The following PLEC variants were observed in gnomAD, a reference collection of about 807,000 sequenced individuals.
PLEC encodes the protein hemidesmosomal protein 1.
In PLEC, 216 loss-of-function variants were observed where a neutral mutation model predicts 392.8. The ratio of observed to expected loss-of-function variants is 0.55; its 90% CI spans 0.49 to 0.62. The LOEUF is 0.62. Ranked by LOEUF, PLEC falls within the 20% of genes least tolerant of loss-of-function variation. PLEC has a pLI of 0.00. For missense variants in PLEC, 6,863 were observed against 6,563.4 expected (o/e 1.05, Z -1.58); for synonymous variants, 3,621 against 2,980.6 (o/e 1.21, Z -7.00).
chr8:143,946,004 A>C (rs1387791490), intron 1 of PLEC, among the ~76,000 whole-genome samples: 2 of 152,248 alleles, frequency 1.3e-5, no homozygotes, highest in Admixed American at 1.3e-4. Flanking sequence ...AGCAGTGGGC[A>C]GGGGCCGACA....
chr8:143,942,603 G>A (rs1830708073), upstream of PLEC: 2 of 1,424,448 alleles, frequency 1.4e-6, no homozygotes, highest in South Asian at 1.4e-5. Context: ...CCCACGCTGC[G>A]AGGCTGCCGG....
At position 143,937,160 on chromosome 8, in the gene PLEC, C is replaced by T. The variant is rs782706346; in HGVS notation, c.342+5G>A. The T allele has an allele frequency of 5.0e-6, 8 of 1,612,144 alleles. No homozygotes were observed. In the Admixed American group the frequency reaches 1.3e-4, roughly 27 times the overall value. On this transcript the variant is annotated splice_donor_5th_base_variant and intron_variant, in intron 4 of 31. Coordinates refer to ENST00000345136, the MANE Select transcript of PLEC (RefSeq NM_201384.3). ...TGGGGCCCAGGGCCTGCCGGGCAGC[C>T]TTACCTGGCGGTGCCGGAGGTAGTC...
At position 143,920,163 on chromosome 8, in the gene PLEC, G is replaced by A. The variant is rs200643300; in HGVS notation, c.9658C>T (p.Arg3220Trp). 306 of 1,612,380 alleles carry A rather than the reference G, an allele frequency of 1.9e-4. No individual in the cohort carries two copies. Among genetic ancestry groups the A allele is most frequent in the African/African-American group, 4.4e-4 (33 of 75,014 alleles). ...AGCTCTGAGTAGAGCTCCTCCTGCC[G>A]GGCCCGAGCAGCCTTTTCTGAGAGC... The part of the protein sequence containing the change: ...LPLSEKAARA[R>W]QEELYSELQA... Residue 3220 changes from arginine to tryptophan, a missense_variant, in exon 32 of 32, where the codon CGG becomes TGG. Arg to Trp is a moderately radical substitution (Grantham distance 101). Transcript: ENST00000345136.
chr8:143,925,580 A>G lies in PLEC; in HGVS notation c.4349T>C (p.Ile1450Thr), dbSNP rs1350308700. The change falls in exon 31 of 32, where the codon ATC becomes ACC. Residue 1450 changes from isoleucine (I) to threonine (T), a missense_variant. Transcript: ENST00000345136. ...AEAAERSRLR[I>T]EEEIRVVRLQ... is the part of the protein sequence containing the mutation. ...GCGCACCACGCGGATCTCCTCCTCG[A>G]TGCGCAGCCGGCTGCGCTCAGCCGC... is the stretch of plus-strand genomic sequence containing the variant. The G allele has an allele frequency of 6.3e-7, 1 of 1,578,926 alleles. No homozygotes were observed. The highest frequency in any genetic ancestry group is 1.3e-5 in the African/African-American group (1 of 74,422).
At position 143,916,684 on chromosome 8, in the gene PLEC, G is replaced by C. The variant is rs1312594865; in HGVS notation, c.13137C>G (p.Leu4379=). Residue 4379 remains leucine (L), a synonymous_variant, in exon 32 of 32, where the codon CTC becomes CTG. Coordinates refer to ENST00000345136, the MANE Select transcript of PLEC (RefSeq NM_201384.3). ...SAAQALKKGW[L]YYEAGQRFLE... is the part of the protein sequence containing the mutation. The stretch of plus-strand genomic sequence containing the variant: ...GGAAGCGCTGGCCGGCCTCGTAGTA[G>C]AGCCAGCCCTTCTTCAGGGCCTGGG... The C allele has an allele frequency of 3.1e-6, 5 of 1,612,156 alleles. No individual in the cohort carries two copies. Among genetic ancestry groups the C allele is most frequent in the Non-Finnish European group, 4.2e-6 (5 of 1,179,556 alleles).
At chr8:143,928,750 C>A (rs1340366197) in intron 25 of PLEC, among the ~76,000 whole-genome samples, 1 of 152,182 alleles carries the variant, frequency 6.6e-6, no homozygotes, top group Admixed American at 6.5e-5. Context: ...TAAGTCCAGG[C>A]CAGGAACAGG....
At position 143,922,996 on chromosome 8, in the gene PLEC, C is replaced by T. The variant is rs1554691111; in HGVS notation, c.6933G>A (p.Met2311Ile). The change falls in exon 31 of 32, where the codon ATG (methionine) becomes ATA (isoleucine). Residue 2311 changes from methionine (M) to isoleucine (I), a missense_variant. Met to Ile is a conservative substitution (Grantham distance 10). Coordinates refer to ENST00000345136, the MANE Select transcript of PLEC (RefSeq NM_201384.3). ...LAQQRALAEK[M>I]LKEKMQAVQE... ...GCACCGCCTGCATCTTCTCCTTGAG[C>T]ATCTTCTCTGCCAAGGCCCGCTGCT... The T allele has an allele frequency of 6.2e-7, 1 of 1,612,060 alleles. No individual in the cohort carries two copies. Among genetic ancestry groups the T allele is most frequent in the Non-Finnish European group, 8.5e-7 (1 of 1,179,614 alleles).
chr8:143,938,338 G>C, intron 2 of PLEC, 98 bp from the exon 3 acceptor site: 1 of 1,536,940 alleles, frequency 6.5e-7, no homozygotes, highest in East Asian at 2.4e-5. Context: ...CCAGAGGGAA[G>C]GAGGCGGGGG....
rs781912612 is a variant in PLEC, at chr8:143,932,009, C to A, written c.2106G>T (p.Thr702=). Residue 702 remains threonine, a synonymous_variant, in exon 18 of 32, where the codon ACG becomes ACT. Coordinates refer to ENST00000345136, the MANE Select transcript of PLEC (RefSeq NM_201384.3). ...ACAGCTGTAGCATCCAGCTCCACTG[C>A]GTCTGCAGGGCCGCCTGGAAGGACT... The part of the protein sequence containing the change: ...TVESFQAALQ[T]QWSWMLQLCC... 10 of 1,604,852 alleles carry A rather than the reference C, an allele frequency of 6.2e-6. No homozygotes were observed. Among genetic ancestry groups the A allele is most frequent in the Middle Eastern group, 2.1e-4 (1 of 4,836 alleles).
rs529822074 is a variant in PLEC at position 143,937,721 on chromosome 8, G to C, written c.264+430C>G. On this transcript the variant is annotated intron_variant, in intron 3 of 31. Coordinates refer to ENST00000345136, the MANE Select transcript of PLEC (RefSeq NM_201384.3). Reference sequence around the variant, plus strand: ...CACGGTCTTGGGGAGCTCCCGTGCCGCTGCAGCCGGCAGGCACAGCCACTC... The same window carrying C: ...CACGGTCTTGGGGAGCTCCCGTGCCCCTGCAGCCGGCAGGCACAGCCACTC... 931 of 490,002 alleles carry C rather than the reference G, an allele frequency of 1.9e-3. 2 individuals are homozygous for C. The highest frequency in any genetic ancestry group is 3.2e-3 in the Non-Finnish European group (804 of 249,806). The allele number at this position is 490,002 out of a possible 1,614,324, so 30.4% of individuals were successfully genotyped here.
chr8:143,944,652 C>T (rs1831168816), intron 1 of PLEC: 2 of 1,346,582 alleles, frequency 1.5e-6, no homozygotes, highest in South Asian at 2.2e-5. Context: ...ACCTACCGGG[C>T]ACGATCTTCA....
upstream of PLEC, among the ~76,000 whole-genome samples, chr8:143,943,569 T>C (rs1260410945): frequency 1.3e-5 from 2 of 152,116 alleles, no homozygotes; most frequent in African/African-American, 4.8e-5. Context: ...CCGCACAGGC[T>C]GCAGGCTGAG....
At chr8:143,934,488 G>A (rs1428924851) in intron 10 of PLEC, 43 bp from the exon 11 acceptor site, 8 of 1,608,002 alleles carry the variant, frequency 5.0e-6, no homozygotes, top group Non-Finnish European at 6.8e-6. Flanking sequence ...GCAGGGGGCA[G>A]GGGGTGGGGC....
Position 143,959,395 on chromosome 8 carries a change from G to A in PLEC, c.70+14008C>T, listed in dbSNP as rs79000465. Among the ~76,000 whole-genome samples, 1,401 of 152,368 alleles carry A rather than the reference G, an allele frequency of 9.2e-3. 27 individuals carry two copies. The highest frequency in any genetic ancestry group is 0.032 in the African/African-American group (1,327 of 41,576). On this transcript the variant is annotated intron_variant, in intron 1 of 31. Transcript: ENST00000356346. ...AACGTGCTGGAATAAGATAACTGAC[G>A]ATCGGTCAGAGCTGATGCAGGGAAC...
At chr8:143,942,591 A>G (rs1020899317), upstream of PLEC, 2 of 1,460,502 alleles carry the variant, frequency 1.4e-6, no homozygotes, top group Non-Finnish European at 1.8e-6. Flanking sequence ...CTCTGCTTCC[A>G]GCCCACGCTG....
In PLEC at chr8:143,923,745, CCTT is replaced by C; in HGVS notation, c.6181_6183del (p.Lys2061del). 5.2e-6 allele frequency: 8 copies of C among 1,550,218 alleles called. No homozygotes were observed. The highest frequency in any genetic ancestry group is 6.9e-6 in the Non-Finnish European group (8 of 1,154,724). ...TGCAGCGTCTGCTGTAGCTCCTGCT[CCTT>C]CTGCTGCACCGCGAAGGCGTGTGCC... On this transcript the variant is annotated inframe_deletion, in exon 31 of 32. Transcript: ENST00000345136.
At chr8:143,970,166 G>A (rs1225378968) in intron 1 of PLEC, among the ~76,000 whole-genome samples, 3 of 152,164 alleles carry the variant, frequency 2.0e-5, no homozygotes, top group Non-Finnish European at 4.4e-5. Flanking sequence ...TGTTTGCACG[G>A]GTGAGTGGGT....
At chr8:143,950,036 C>A (rs372238178) in intron 1 of PLEC, 1 of 1,071,534 alleles carries the variant, frequency 9.3e-7, no homozygotes, top group Non-Finnish European at 1.3e-6. Flanking sequence ...CCCTGACCCT[C>A]GGCTAGGGGG....
chr8:143,918,347 T>C lies in PLEC; in HGVS notation c.11474A>G (p.Gln3825Arg), dbSNP rs1554674945. ...CGTGTCCTTGTTGAGGTAGCCACGCTGGTAAGCCACCTCCAGGGGAAGGTG... is the reference window on the plus strand; with the variant it reads ...CGTGTCCTTGTTGAGGTAGCCACGCCGGTAAGCCACCTCCAGGGGAAGGTG... The part of the protein sequence containing the change: ...GFHLPLEVAY[Q>R]RGYLNKDTHD... Residue 3825 changes from glutamine to arginine, a missense_variant, in exon 32 of 32, where the codon CAG (glutamine) becomes CGG (arginine). By Grantham distance (43) the Gln-to-Arg change is conservative (BLOSUM62 1). Transcript: ENST00000345136. 3.2e-6 allele frequency: 5 copies of C among 1,579,044 alleles called. No individual in the cohort carries two copies. The African/African-American group carries it at 4.0e-5, about 13-fold the overall frequency.
Sources: allele counts gnomAD v4.1 joint callset (sites outside exome capture counted in the v4.1 genomes callset), GRCh38; gene constraint gnomAD v4.1.1; transcripts MANE v1.5; gene names NCBI Gene and HGNC (gene_info 2026-07-23, HGNC 2026-07-21).